The following ZNF75D variants were observed in gnomAD, a reference collection of about 807,000 sequenced individuals.
ZNF75D encodes the protein zinc finger protein 75D, also known as zinc finger protein 75.
Under a neutral mutation model 33.3 loss-of-function variants are expected in ZNF75D, and 33 were observed. The ratio of observed to expected loss-of-function variants is 0.99; its 90% CI spans 0.75 to 1.32. The LOEUF (loss-of-function observed/expected upper bound fraction) is 1.32, where lower values mean the gene tolerates loss of function less well. Ranked by LOEUF, ZNF75D falls within the 40% of genes most tolerant of loss-of-function variation. The pLI is 0.00. For missense variants in ZNF75D, 338 were observed against 367.5 expected, an observed-to-expected ratio of 0.92 and a Z score of 0.66; for synonymous variants, 113 against 130.6, an observed-to-expected ratio of 0.87 and a Z score of 0.92.
At chrX:135,274,975 A>C (rs1295828400) in intron 1 of ZNF75D, among the ~76,000 whole-genome samples, 1 of 112,056 alleles carries the variant, frequency 8.9e-6, no homozygotes, top group Non-Finnish European at 1.9e-5. Flanking sequence ...AAAATGTGCC[A>C]GAAAGTGTTG....
intron 2 of ZNF75D, chrX:135,253,149 T>C (rs1457700282): frequency 7.3e-6 from 2 of 275,691 alleles, no homozygotes; most frequent in African/African-American, 6.0e-5. Context: ...TGTGTGTGTG[T>C]GTGTGTGTGT....
intron 1 of ZNF75D, among the ~76,000 whole-genome samples, chrX:135,325,573 G>A (rs782460346): frequency 2.0e-4 from 22 of 112,477 alleles, no homozygotes; most frequent in East Asian, 5.8e-4. Flanking sequence ...TGCCGGCCCC[G>A]GGCAATGAGG....
chrX:135,280,309 TTC>T (rs2083915419), intron 1 of ZNF75D, among the ~76,000 whole-genome samples: 1 of 111,754 alleles, frequency 8.9e-6, no homozygotes, highest in Non-Finnish European at 1.9e-5. Flanking sequence ...TTGCAACCCT[TTC>T]TGTTTGTTTG....
At position 135,286,574 on chromosome X, in the gene ZNF75D, C is replaced by A. The variant is rs1378708431; in HGVS notation, c.*563G>T. ...TAGTGGGTACTCAGGAGAGAAGCAACAAGAATGGGACAATTCTCCCAGGGC... is the reference window on the plus strand; with the variant it reads ...TAGTGGGTACTCAGGAGAGAAGCAAAAAGAATGGGACAATTCTCCCAGGGC... On this transcript the variant is annotated 3_prime_UTR_variant, in exon 7 of 7. Coordinates refer to ENST00000370766, the MANE Select transcript of ZNF75D (RefSeq NM_007131.5). 10 of 112,131 alleles carry A rather than the reference C, an allele frequency of 8.9e-5. No individual in the cohort carries two copies. Among genetic ancestry groups the A allele is most frequent in the African/African-American group, 2.9e-4 (9 of 30,735 alleles). The allele number at this position is 112,131 out of a possible 1,213,427, so 9.2% of individuals were successfully genotyped here.
chrX:135,271,210 C>A (rs2083881934), intron 1 of ZNF75D, among the ~76,000 whole-genome samples: 1 of 111,701 alleles, frequency 9.0e-6, no homozygotes, highest in Non-Finnish European at 1.9e-5. Context: ...GCTCATGTAC[C>A]ATCTTCAGTT....
chrX:135,284,931 T>G (rs137971495), downstream of ZNF75D, among the ~76,000 whole-genome samples: 2 of 111,729 alleles, frequency 1.8e-5, no homozygotes, highest in African/African-American at 6.5e-5. Flanking sequence ...ATGAATAAAT[T>G]TATTTGAATG....
Position 135,301,820 on chromosome X carries a change from C to T in ZNF75D, c.-390-5781G>A, listed in dbSNP as rs184230893. ...ACAGCTCCACTAGGCAGTACCCCAG[C>T]GGGGACTCTGTATGGGGGCTCCAAC... On this transcript the variant is annotated intron_variant, in intron 1 of 6. Transcript: ENST00000370766. Among the ~76,000 whole-genome samples, 789 of 112,235 alleles carry T rather than the reference C, an allele frequency of 7.0e-3. 2 individuals carry two copies. The highest frequency in any genetic ancestry group is 0.012 in the Non-Finnish European group (635 of 53,167).
intron 6 of ZNF75D, among the ~76,000 whole-genome samples, chrX:135,289,619 C>A (rs1556420654): frequency 1.9e-5 from 1 of 53,118 alleles, no homozygotes. Flanking sequence ...CTGACACACA[C>A]ACACACAGAC....
Position 135,291,684 on chromosome X carries a change from G to T in ZNF75D, c.605-121C>A. ...AAAGATGGGTCACATTGACAAGTGT[G>T]TGTGTGGTGCCAAGAAGTGGCCATC... On this transcript the variant is annotated intron_variant, in intron 4 of 6. Transcript: ENST00000370766. The T allele has an allele frequency of 3.0e-6, 3 of 1,009,629 alleles. No homozygotes were observed. In the South Asian group the frequency reaches 7.6e-5, roughly 26 times the overall value. The allele number at this position is 1,009,629 out of a possible 1,213,427, so 83.2% of individuals were successfully genotyped here.
At chrX:135,308,457 TG>T (rs1363340073) in intron 1 of ZNF75D, among the ~76,000 whole-genome samples, 2 of 111,634 alleles carry the variant, frequency 1.8e-5, no homozygotes, top group African/African-American at 6.5e-5. Context: ...TGTTTGGTAA[TG>T]GGGGGGAAGG....
At chrX:135,334,160 C>T (rs782418291) in intron 1 of ZNF75D, among the ~76,000 whole-genome samples, 2 of 111,895 alleles carry the variant, frequency 1.8e-5, no homozygotes, top group Non-Finnish European at 3.8e-5. Flanking sequence ...CACCCAATTG[C>T]TATTTTGGCG....
intron 1 of ZNF75D, among the ~76,000 whole-genome samples, chrX:135,280,407 A>G (rs781820100): frequency 8.9e-6 from 1 of 111,831 alleles, no homozygotes; most frequent in African/African-American, 3.3e-5. Context: ...GGTCTCCTGA[A>G]TACAGTACAG....
downstream of ZNF75D, among the ~76,000 whole-genome samples, chrX:135,281,192 C>CT (rs1228014392): frequency 2.7e-5 from 3 of 109,802 alleles, no homozygotes; most frequent in Non-Finnish European, 1.9e-5. Context: ...CCTTTTCATT[C>CT]TTTTTTCTCT....
intron 1 of ZNF75D, among the ~76,000 whole-genome samples, chrX:135,314,929 C>T (rs1416049068): frequency 9.0e-6 from 1 of 111,414 alleles, no homozygotes; most frequent in Admixed American, 9.5e-5. Flanking sequence ...TTTAATTGGT[C>T]TTTTCTATTG....
chrX:135,296,027 G>C lies in ZNF75D; in HGVS notation c.-378C>G, dbSNP rs1259759334. 9.0e-6 allele frequency: 1 copy of C among 111,120 alleles called. No homozygotes were observed. Among genetic ancestry groups the C allele is most frequent in the African/African-American group, 3.3e-5 (1 of 30,521 alleles). The allele number at this position is 111,120 out of a possible 1,213,427, so 9.2% of individuals were successfully genotyped here. On this transcript the variant is annotated 5_prime_UTR_variant, in exon 2 of 7. Transcript: ENST00000370766. ...GACCCCGACTCTCTCTTCCAGGGTC[G>C]AGTTCTGTGGACCTGAACCGGAATC...
intron 1 of ZNF75D, among the ~76,000 whole-genome samples, chrX:135,332,538 C>G (rs1445542183): frequency 8.9e-6 from 1 of 111,836 alleles, no homozygotes. Flanking sequence ...ACTGAATCTG[C>G]TGGCATCTTG....
chrX:135,317,265 T>C (rs2084432555), intron 1 of ZNF75D, among the ~76,000 whole-genome samples: 1 of 111,879 alleles, frequency 8.9e-6, no homozygotes, highest in Non-Finnish European at 1.9e-5. Flanking sequence ...GTTTCCTTGC[T>C]GGCTTATGGT....
chrX:135,279,681 A>C (rs2083913021), intron 1 of ZNF75D, among the ~76,000 whole-genome samples: 1 of 111,658 alleles, frequency 9.0e-6, no homozygotes, highest in Admixed American at 9.5e-5. Flanking sequence ...ATTCTGGTAC[A>C]TTGTATCTTT....
intron 1 of ZNF75D, among the ~76,000 whole-genome samples, chrX:135,258,831 G>A (rs2083823946): frequency 8.9e-6 from 1 of 112,069 alleles, no homozygotes; most frequent in East Asian, 2.8e-4. Context: ...GGCTTTTGTT[G>A]CCATTGCTTT....
Sources: allele counts gnomAD v4.1 joint callset (sites outside exome capture counted in the v4.1 genomes callset), GRCh38; gene constraint gnomAD v4.1.1; transcripts MANE v1.5; gene names NCBI Gene and HGNC (gene_info 2026-07-23, HGNC 2026-07-21).